The following VWCE variants were observed in gnomAD, a reference collection of about 807,000 sequenced individuals.
The protein encoded by VWCE is von Willebrand factor C and EGF domains, also known as von Willebrand factor C and EGF domain-containing protein.
VWCE carries 68 observed loss-of-function variants against 102.9 expected under a neutral mutation model. That is an observed-to-expected ratio of 0.66 (90% CI 0.54 to 0.81). VWCE has a LOEUF of 0.81. Ranked by LOEUF, VWCE falls within the 30% of genes least tolerant of loss-of-function variation. The probability of loss-of-function intolerance (pLI) is 0.00; values close to 1 mark genes in which losing one functional copy is unlikely to be tolerated. For synonymous variants in VWCE, 497 were observed against 515.4 expected (o/e 0.96, Z 0.48); for missense variants, 1,137 against 1,263.6 (o/e 0.90, Z 1.52).
intron 19 of VWCE, among the ~76,000 whole-genome samples, chr11:61,262,927 A>C (rs1282365101): frequency 6.6e-6 from 1 of 152,252 alleles, no homozygotes; most frequent in African/African-American, 2.4e-5. Context: ...ACAATAGCCA[A>C]GCTATGGAAC....
intron 14 of VWCE, among the ~76,000 whole-genome samples, chr11:61,270,825 CT>C (rs1243630767): frequency 0.019 from 2,579 of 134,212 alleles, 45 homozygotes; most frequent in Admixed American, 0.058. Flanking sequence ...GTTACACACA[CT>C]TTTTTTTTTT....
At chr11:61,280,273 A>G (rs930282577) in intron 9 of VWCE, among the ~76,000 whole-genome samples, 1 of 152,190 alleles carries the variant, frequency 6.6e-6, no homozygotes, top group South Asian at 2.1e-4. Context: ...AAGAGGCTCA[A>G]TGAATGACTG....
intron 19 of VWCE, among the ~76,000 whole-genome samples, chr11:61,264,183 G>A (rs886912062): frequency 1.5e-5 from 2 of 133,286 alleles, no homozygotes; most frequent in Non-Finnish European, 3.1e-5. Context: ...GTGAGATAGC[G>A]CCATTGCACT....
intron 9 of VWCE, among the ~76,000 whole-genome samples, chr11:61,278,818 A>T (rs545827995): frequency 6.6e-6 from 1 of 152,244 alleles, no homozygotes; most frequent in East Asian, 1.9e-4. Flanking sequence ...AGGCGGGCAG[A>T]CCACAAGGTC....
intron 16 of VWCE, among the ~76,000 whole-genome samples, chr11:61,265,798 C>T (rs1194005385): frequency 6.6e-6 from 1 of 152,198 alleles, no homozygotes; most frequent in African/African-American, 2.4e-5. Context: ...GTAATCCCAA[C>T]ATTTTGGGAG....
chr11:61,289,158 C>T (rs914820514), intron 4 of VWCE, among the ~76,000 whole-genome samples: 3 of 151,822 alleles, frequency 2.0e-5, no homozygotes, highest in Non-Finnish European at 4.4e-5. Context: ...ATTATTTATA[C>T]TGGTGAAACA....
At chr11:61,267,931 C>T (rs1854561065) in intron 15 of VWCE, among the ~76,000 whole-genome samples, 2 of 152,044 alleles carry the variant, frequency 1.3e-5, no homozygotes, top group African/African-American at 4.8e-5. Flanking sequence ...ACCAACCCCG[C>T]CTGTCCAGAA....
At position 61,294,928 on chromosome 11, in the gene VWCE, C is replaced by A; in HGVS notation, c.110G>T (p.Arg37Ile). The A allele has an allele frequency of 7.0e-7, 1 of 1,424,098 alleles. No individual in the cohort carries two copies. Among genetic ancestry groups the A allele is most frequent in the South Asian group, 1.4e-5 (1 of 71,660 alleles). 88.2% of individuals were successfully genotyped at this position (1,424,098 alleles called of 1,614,324 possible). The change falls in exon 1 of 20, where the codon AGA becomes ATA. Residue 37 changes from arginine to isoleucine, a missense_variant and splice_region_variant. Around this residue, in one of 5 missense-constraint regions of VWCE, gnomAD observed 575 missense variants for 625.9 expected, o/e 0.92. Coordinates refer to ENST00000335613, the MANE Select transcript of VWCE (RefSeq NM_152718.2). The surrounding 1 kb of genome is among the most constrained non-coding windows in gnomAD (Gnocchi z 6.3). Reference sequence around the variant, plus strand: ...GCGGGGAGGAGCTCCGGGCGCTTACCTCTCGGCCGCGAAGTGCCCGGGCGG... The same window carrying A: ...GCGGGGAGGAGCTCCGGGCGCTTACATCTCGGCCGCGAAGTGCCCGGGCGG... The part of the protein sequence containing the change: ...RKPPGHFAAE[R>I]RRLGPHVCLS...
intron 12 of VWCE, 34 bp from the exon 13 acceptor site, chr11:61,273,350 C>A: frequency 6.4e-7 from 1 of 1,561,636 alleles, no homozygotes; most frequent in Non-Finnish European, 8.7e-7. Context: ...ATGATGAGGG[C>A]GGCACCCTGC....
chr11:61,295,127 G>A lies in VWCE; in HGVS notation c.-90C>T. 2.6e-6 allele frequency: 2 copies of A among 772,162 alleles called. No individual in the cohort carries two copies. Among genetic ancestry groups the A allele is most frequent in the Non-Finnish European group, 3.6e-6 (2 of 559,552 alleles). The allele number at this position is 772,162 out of a possible 1,614,324, so 47.8% of individuals were successfully genotyped here. ...GCCGGCCCTCGCCCCTCCTCCTGGC[G>A]CCGTGGGGAGCGAACCAGCGATCCC... On this transcript the variant is annotated 5_prime_UTR_variant, in exon 1 of 20. Transcript: ENST00000335613. The surrounding 1 kb of genome is among the most constrained non-coding windows in gnomAD (Gnocchi z 4.6).
In VWCE at chr11:61,271,784, A is replaced by G. The variant is rs775247581; in HGVS notation, c.1700-24T>C. 3 of 1,608,890 alleles carry G rather than the reference A, an allele frequency of 1.9e-6. No individual in the cohort carries two copies. In the South Asian group the frequency reaches 3.3e-5, roughly 18 times the overall value. ...GCCTGGATGAGGACAATGGCAGAGA[A>G]AAGACGGCACAAGACCTAGACTACA... On this transcript the variant is annotated intron_variant, in intron 13 of 19. Transcript: ENST00000335613.
rs1476316387 is a variant in VWCE, at chr11:61,295,083, G to A, written c.-46C>T. 74 of 1,206,052 alleles carry A rather than the reference G, an allele frequency of 6.1e-5. No homozygotes were observed. In the East Asian group the frequency reaches 2.3e-3, roughly 37 times the overall value. 74.7% of individuals were successfully genotyped at this position (1,206,052 alleles called of 1,614,324 possible). A position where few individuals can be genotyped will look rare whatever the true frequency, so the allele number is the denominator to read the frequency against. The stretch of plus-strand genomic sequence containing the variant: ...CCGGGCTGGGCTCGGCTCCTGCGCC[G>A]CGCGCGGGAGAGGGGGCTGCCGGCC... On this transcript the variant is annotated 5_prime_UTR_variant, in exon 1 of 20. Coordinates refer to ENST00000335613, the MANE Select transcript of VWCE (RefSeq NM_152718.2). This position sits in a 1 kb window ranked among gnomAD's most constrained non-coding sequence, Gnocchi z 4.6.
At chr11:61,275,901 G>A (rs763027374) in intron 11 of VWCE, among the ~76,000 whole-genome samples, 1 of 152,232 alleles carries the variant, frequency 6.6e-6, no homozygotes, top group Non-Finnish European at 1.5e-5. Context: ...TCCTGCCTGA[G>A]CTGAAGGTGC....
intron 16 of VWCE, 132 bp downstream of exon 16, chr11:61,267,330 A>T: frequency 1.1e-6 from 1 of 889,850 alleles, no homozygotes; most frequent in Non-Finnish European, 1.8e-6. Flanking sequence ...GACTGGAGGG[A>T]GCTGACTTCC....
At chr11:61,261,561 G>C (rs1224989530) in intron 19 of VWCE, among the ~76,000 whole-genome samples, 1 of 151,314 alleles carries the variant, frequency 6.6e-6, no homozygotes, top group East Asian at 1.9e-4. Flanking sequence ...GGGCAACATA[G>C]CAAGACCTTG....
In VWCE at chr11:61,294,812, G is replaced by C. The variant is rs1346077973; in HGVS notation, c.110+116C>G. ...CTGTGCCCGCGCTGATAGCACCCCA[G>C]AGGAAGCCCCGACACGCGGCTGCCT... On this transcript the variant is annotated intron_variant, in intron 1 of 19. Coordinates refer to ENST00000335613, the MANE Select transcript of VWCE (RefSeq NM_152718.2). The surrounding 1 kb of genome is among the most constrained non-coding windows in gnomAD (Gnocchi z 6.3). 4 of 635,670 alleles carry C rather than the reference G, an allele frequency of 6.3e-6. No homozygotes were observed. In the African/African-American group the frequency reaches 7.7e-5, roughly 12 times the overall value. The allele number at this position is 635,670 out of a possible 1,614,324, so 39.4% of individuals were successfully genotyped here.
chr11:61,280,917 GA>G lies in VWCE; in HGVS notation c.1105del (p.Ser369ProfsTer46). On this transcript the variant is annotated frameshift_variant, in exon 8 of 20. Coordinates refer to ENST00000335613, the MANE Select transcript of VWCE (RefSeq NM_152718.2). LOFTEE classifies it high-confidence loss of function. ...LLQGEVMGTP[S>X]SPRGPESPRL... ...GGGGGACTCAGGGCCCCTGGGTGAGGAAGGGGTCCCCATCACCTCCCCCTGA... is the reference window on the plus strand; with the variant it reads ...GGGGGACTCAGGGCCCCTGGGTGAGGAGGGGTCCCCATCACCTCCCCCTGA... 1.3e-6 allele frequency: 2 copies of G among 1,527,312 alleles called. No homozygotes were observed. The highest frequency in any genetic ancestry group is 1.8e-6 in the Non-Finnish European group (2 of 1,140,076). The allele number at this position is 1,527,312 out of a possible 1,614,324, so 94.6% of individuals were successfully genotyped here.
Position 61,267,452 on chromosome 11 carries a change from T to C in VWCE, c.1965+10A>G, listed in dbSNP as rs760185684. On this transcript the variant is annotated intron_variant, in intron 16 of 19. Transcript: ENST00000335613. ...TCCAGGGGCGGGAGTCAGATCTGGG[T>C]GGTCCATACCAGGCAGATGCAGCTC... 1.9e-6 allele frequency: 3 copies of C among 1,613,826 alleles called. No homozygotes were observed. Among genetic ancestry groups the C allele is most frequent in the East Asian group, 2.2e-5 (1 of 44,854 alleles).
chr11:61,272,249 C>A (rs1043931371), intron 13 of VWCE, among the ~76,000 whole-genome samples: 4 of 151,792 alleles, frequency 2.6e-5, no homozygotes, highest in Non-Finnish European at 5.9e-5. Flanking sequence ...AGATACAACT[C>A]ACACAGACAC....
Sources: allele counts gnomAD v4.1 joint callset (sites outside exome capture counted in the v4.1 genomes callset), GRCh38; gene constraint gnomAD v4.1.1; regional missense constraint gnomAD v4.1.1; non-coding constraint Gnocchi (gnomAD v3.1); transcripts MANE v1.5; gene names NCBI Gene and HGNC (gene_info 2026-07-23, HGNC 2026-07-21).